Variants in TMEM204 observed in about 807,000 individuals in gnomAD.
TMEM204 encodes the protein transmembrane protein 204.
Under a neutral mutation model 19.4 loss-of-function variants are expected in TMEM204, and 15 were observed. The ratio of observed to expected loss-of-function variants is 0.77; its 90% CI spans 0.52 to 1.19. TMEM204 has a LOEUF of 1.19. Ranked by LOEUF, TMEM204 falls within the 50% of genes most tolerant of loss-of-function variation. The pLI is 0.00. For missense variants in TMEM204, 287 were observed against 321.2 expected (o/e 0.89, Z 0.81); for synonymous variants, 161 against 146.0 (o/e 1.10, Z -0.74).
At chr16:1,540,807 G>A (rs142443373) in intron 1 of TMEM204, 30 of 984,054 alleles carry the variant, frequency 3.0e-5, no homozygotes, top group South Asian at 4.7e-5. Context: ...TTTGGGAATC[G>A]AATTTCCCAA....
chr16:1,538,589 C>T (rs1192853219), intron 1 of TMEM204, among the ~76,000 whole-genome samples: 3 of 152,206 alleles, frequency 2.0e-5, no homozygotes. Flanking sequence ...GCTCCTCTCT[C>T]GAACATGACC....
chr16:1,538,413 C>A (rs2079497797), intron 1 of TMEM204, among the ~76,000 whole-genome samples: 1 of 152,214 alleles, frequency 6.6e-6, no homozygotes, highest in Admixed American at 6.5e-5. Context: ...CACTCACCCT[C>A]ACCACAACTA....
Position 1,534,180 on chromosome 16 carries a change from C to A in TMEM204, c.-96C>A. 1 of 1,520,824 alleles carries A rather than the reference C, an allele frequency of 6.6e-7. No homozygotes were observed. Among genetic ancestry groups the A allele is most frequent in the South Asian group, 1.2e-5 (1 of 84,216 alleles). The allele number at this position is 1,520,824 out of a possible 1,614,324, so 94.2% of individuals were successfully genotyped here. Reference sequence around the variant, plus strand: ...CGCCCCGAGGATGAGTGGTGATGTCCTCTAGCCACCCCTAGCAGCGTCGGC... The same window carrying A: ...CGCCCCGAGGATGAGTGGTGATGTCATCTAGCCACCCCTAGCAGCGTCGGC... On this transcript the variant is annotated 5_prime_UTR_variant, in exon 1 of 3. Transcript: ENST00000566264.
Position 1,542,090 on chromosome 16 carries a change from C to G in TMEM204, c.436+14C>G, listed in dbSNP as rs765059177. The G allele has an allele frequency of 1.6e-5, 25 of 1,586,386 alleles. No individual in the cohort carries two copies. The highest frequency in any genetic ancestry group is 2.1e-5 in the Non-Finnish European group (25 of 1,167,684). ...TCCAACTGGCGAGTAAGTACCTGGG[C>G]GGGTGTGGCCACCGCGCCCTTGCCC... On this transcript the variant is annotated intron_variant, in intron 2 of 2. Transcript: ENST00000566264.
upstream of TMEM204, among the ~76,000 whole-genome samples, chr16:1,530,133 C>CTTTTTTTTTTTT (rs922819138): frequency 1.1e-3 from 99 of 88,578 alleles, 11 homozygotes; most frequent in African/African-American, 4.4e-3. Context: ...CGACGGGAAT[C>CTTTTTTTTTTTT]TTTTTTTTTT....
In TMEM204 at chr16:1,553,925, C is replaced by T; in HGVS notation, c.437-857C>T. The T allele has an allele frequency of 4.7e-6, 6 of 1,282,984 alleles. No homozygotes were observed. In the South Asian group the frequency reaches 6.2e-5, roughly 13 times the overall value. 79.5% of individuals were successfully genotyped at this position (1,282,984 alleles called of 1,614,324 possible). ...GTAAGAACTAAAAAGGTCTTTGGAG[C>T]TCCTCAAAGATAAAACTGTAAGTGA... On this transcript the variant is annotated intron_variant, in intron 2 of 2. Transcript: ENST00000566264. The surrounding 1 kb of genome is among the most constrained non-coding windows in gnomAD (Gnocchi z 4.4).
chr16:1,543,107 G>C (rs3784832), intron 2 of TMEM204, among the ~76,000 whole-genome samples: 9,875 of 152,326 alleles, frequency 0.065, 554 homozygotes, highest in Admixed American at 0.18. Flanking sequence ...GGACAGGTCA[G>C]CCCGGTGCCC....
At chr16:1,554,411 G>A (rs1235125299) in intron 2 of TMEM204, among the ~76,000 whole-genome samples, 3 of 152,224 alleles carry the variant, frequency 2.0e-5, no homozygotes, top group African/African-American at 7.2e-5. Context: ...GCCCCCCCAA[G>A]TTGGTGTTGC....
At chr16:1,544,843 T>C (rs1354854220) in intron 2 of TMEM204, among the ~76,000 whole-genome samples, 4 of 151,414 alleles carry the variant, frequency 2.6e-5, no homozygotes, top group African/African-American at 4.9e-5. Context: ...AGAGACGGGG[T>C]TTCACCGTGT....
chr16:1,554,077 C>T, intron 2 of TMEM204: 1 of 1,287,106 alleles, frequency 7.8e-7, no homozygotes, highest in Non-Finnish European at 1.0e-6. Context: ...GGAAAATCTG[C>T]CAGGGAGGAG....
chr16:1,539,483 C>T (rs1239662755), intron 1 of TMEM204, among the ~76,000 whole-genome samples: 2 of 152,266 alleles, frequency 1.3e-5, no homozygotes, highest in African/African-American at 4.8e-5. Flanking sequence ...CACCTATGCC[C>T]ATGCTGAGCC....
chr16:1,530,131 A>ATTTTTTTTTT (rs2030295926), upstream of TMEM204, among the ~76,000 whole-genome samples: 3 of 126,540 alleles, frequency 2.4e-5, no homozygotes, highest in African/African-American at 3.7e-5. Flanking sequence ...CACGACGGGA[A>ATTTTTTTTTT]TCTTTTTTTT....
chr16:1,550,498 A>G (rs905683333), intron 2 of TMEM204, among the ~76,000 whole-genome samples: 5 of 152,394 alleles, frequency 3.3e-5, no homozygotes, highest in Admixed American at 3.3e-4. Flanking sequence ...TTCAGGAAGC[A>G]GCGTGTGATG....
At chr16:1,539,346 C>T (rs1043873016) in intron 1 of TMEM204, among the ~76,000 whole-genome samples, 3 of 150,976 alleles carry the variant, frequency 2.0e-5, no homozygotes, top group African/African-American at 4.9e-5. Context: ...GTGCAAATGC[C>T]GCCCCACGCC....
chr16:1,539,449 C>T (rs567565884), intron 1 of TMEM204, among the ~76,000 whole-genome samples: 1 of 152,398 alleles, frequency 6.6e-6, no homozygotes, highest in South Asian at 2.1e-4. Context: ...CTGCCCCTTC[C>T]TCCAAGCACT....
rs143921767 is a variant in TMEM204, at chr16:1,547,759, C to A, written c.436+5683C>A. Among the ~76,000 whole-genome samples, 40 of 152,296 alleles carry A rather than the reference C, an allele frequency of 2.6e-4. 1 individual carries two copies. The East Asian group carries it at 7.4e-3, about 28-fold the overall frequency. Reference sequence around the variant, plus strand: ...CCATGTTGGCCAGGCTGGTCTCAAGCTTCTGACCTCAGGTGATCCACCCAC... The same window carrying A: ...CCATGTTGGCCAGGCTGGTCTCAAGATTCTGACCTCAGGTGATCCACCCAC... On this transcript the variant is annotated intron_variant, in intron 2 of 2. Coordinates refer to ENST00000566264, the MANE Select transcript of TMEM204 (RefSeq NM_024600.6).
chr16:1,549,382 G>A (rs907931671), intron 2 of TMEM204, among the ~76,000 whole-genome samples: 2 of 152,240 alleles, frequency 1.3e-5, no homozygotes, highest in African/African-American at 2.4e-5. Flanking sequence ...CGAGTGAAGC[G>A]CGGCTCCCAG....
At chr16:1,547,098 C>T (rs1156920197) in intron 2 of TMEM204, among the ~76,000 whole-genome samples, 4 of 152,218 alleles carry the variant, frequency 2.6e-5, no homozygotes, top group Non-Finnish European at 4.4e-5. Flanking sequence ...GAAGGCTTCT[C>T]GCCTGCTTCT....
chr16:1,546,287 G>T (rs2032165255), intron 2 of TMEM204, among the ~76,000 whole-genome samples: 1 of 152,220 alleles, frequency 6.6e-6, no homozygotes, highest in South Asian at 2.1e-4. Context: ...AGGCCGGGAG[G>T]CTCCCTGGCA....
Sources: allele counts gnomAD v4.1 joint callset (sites outside exome capture counted in the v4.1 genomes callset), GRCh38; gene constraint gnomAD v4.1.1; non-coding constraint Gnocchi (gnomAD v3.1); transcripts MANE v1.5; gene names NCBI Gene and HGNC (gene_info 2026-07-23, HGNC 2026-07-21).